The following TTC17 variants were observed in gnomAD, a reference collection of about 807,000 sequenced individuals.
TTC17 encodes tetratricopeptide repeat protein 17.
A neutral mutation model predicts 143.8 loss-of-function variants in TTC17; 58 were observed. That is an observed-to-expected ratio of 0.40 (90% CI 0.33 to 0.50). TTC17 has a LOEUF of 0.50. Ranked by LOEUF, TTC17 falls within the 20% of genes least tolerant of loss-of-function variation. The pLI is 0.49. For synonymous variants in TTC17, 501 were observed against 497.8 expected, an observed-to-expected ratio of 1.01 and a Z score of -0.09; for missense variants, 1,273 against 1,392.5, an observed-to-expected ratio of 0.91 and a Z score of 1.37.
rs1447096878 is a variant in TTC17, at chr11:43,448,044, A to G, written c.2708A>G (p.Asp903Gly). ...DYQRLGWPSP[D>G]ECLKLRWVEL... The stretch of plus-strand genomic sequence containing the variant: ...CAGCGTCTGGGATGGCCCAGCCCGG[A>G]CGAATGCCTCAAACTCCGCTGGGTA... The change falls in exon 19 of 24, where the codon GAC becomes GGC. Residue 903 changes from aspartate (D) to glycine (G), a missense_variant. Physicochemically the swap from Asp to Gly is moderately conservative, Grantham distance 94. Coordinates refer to ENST00000039989, the MANE Select transcript of TTC17 (RefSeq NM_018259.6). 6.2e-7 allele frequency: 1 copy of G among 1,614,124 alleles called. No individual in the cohort carries two copies. The highest frequency in any genetic ancestry group is 8.5e-7 in the Non-Finnish European group (1 of 1,179,982).
intron 21 of TTC17, among the ~76,000 whole-genome samples, chr11:43,462,880 A>C (rs1268516723): frequency 6.6e-6 from 1 of 151,318 alleles, no homozygotes; most frequent in Non-Finnish European, 1.5e-5. Flanking sequence ...AACTGAACCT[A>C]GCTGCCATAT....
chr11:43,388,931 G>A (rs528573890), intron 2 of TTC17, among the ~76,000 whole-genome samples: 4 of 150,356 alleles, frequency 2.7e-5, no homozygotes, highest in South Asian at 2.1e-4. Flanking sequence ...AGCTGTGATC[G>A]CACTACTGCA....
intron 21 of TTC17, among the ~76,000 whole-genome samples, chr11:43,466,125 T>C (rs1382420871): frequency 2.0e-5 from 3 of 152,174 alleles, no homozygotes; most frequent in African/African-American, 4.8e-5. Flanking sequence ...AGGACTTGAA[T>C]GGTCATTTCT....
chr11:43,444,722 T>TACACACACACACAC (rs10638143), intron 18 of TTC17, among the ~76,000 whole-genome samples: 11 of 143,554 alleles, frequency 7.7e-5, no homozygotes, highest in Non-Finnish European at 1.7e-4. Context: ...ACCAAATACA[T>TACACACACACACAC]ACACACACAC....
chr11:43,363,011 G>A (rs1245912888), intron 1 of TTC17, among the ~76,000 whole-genome samples: 3 of 152,120 alleles, frequency 2.0e-5, no homozygotes, highest in African/African-American at 7.2e-5. Flanking sequence ...TACCTCTGAT[G>A]CCCTAGTGTC....
At chr11:43,480,867 A>AC (rs1389446522) in intron 21 of TTC17, among the ~76,000 whole-genome samples, 2 of 151,654 alleles carry the variant, frequency 1.3e-5, no homozygotes, top group African/African-American at 4.8e-5. Context: ...TGAGCCAAAA[A>AC]AAATCAATAC....
chr11:43,364,651 T>G (rs558464938), intron 1 of TTC17, among the ~76,000 whole-genome samples: 31 of 152,322 alleles, frequency 2.0e-4, no homozygotes, highest in African/African-American at 7.5e-4. Flanking sequence ...TTCAGTCCAT[T>G]TTTTCAGATA....
At position 43,358,945 on chromosome 11, in the gene TTC17, G is replaced by T. The variant is rs370558962; in HGVS notation, c.-10G>T. 19 of 1,569,436 alleles carry T rather than the reference G, an allele frequency of 1.2e-5. No homozygotes were observed. The East Asian group carries it at 4.7e-4, about 39-fold the overall frequency. On this transcript the variant is annotated 5_prime_UTR_variant, in exon 1 of 24. Transcript: ENST00000039989. ...GCTTCCGGTGTGAGCGGCCCGGCCGGGGGGGCAAGATGGCGGCGGCAGTAG... is the reference window on the plus strand; with the variant it reads ...GCTTCCGGTGTGAGCGGCCCGGCCGTGGGGGCAAGATGGCGGCGGCAGTAG...
At chr11:43,412,952 A>G (rs534283316) in intron 15 of TTC17, among the ~76,000 whole-genome samples, 2 of 150,190 alleles carry the variant, frequency 1.3e-5, no homozygotes, top group South Asian at 4.2e-4. Context: ...AGTTGATTCT[A>G]ATATCTACAT....
chr11:43,425,041 G>A (rs563776955), intron 16 of TTC17, among the ~76,000 whole-genome samples: 10 of 152,298 alleles, frequency 6.6e-5, no homozygotes, highest in African/African-American at 2.2e-4. Context: ...TTCATTGCAT[G>A]TTGTCTAAAT....
intron 2 of TTC17, among the ~76,000 whole-genome samples, 184 bp from the exon 3 acceptor site, chr11:43,389,468 T>C (rs1441769695): frequency 6.6e-6 from 1 of 152,238 alleles, no homozygotes; most frequent in Non-Finnish European, 1.5e-5. Context: ...TTACTTTCTG[T>C]ATGTGGACAT....
At chr11:43,475,753 T>G in intron 21 of TTC17, among the ~76,000 whole-genome samples, 1 of 152,246 alleles carries the variant, frequency 6.6e-6, no homozygotes, top group Non-Finnish European at 1.5e-5. Context: ...TTTGGGATTT[T>G]GGAGCATATC....
At chr11:43,369,850 C>G (rs1856494918) in intron 1 of TTC17, among the ~76,000 whole-genome samples, 1 of 152,084 alleles carries the variant, frequency 6.6e-6, no homozygotes, top group African/African-American at 2.4e-5. Flanking sequence ...CTCCTGACCT[C>G]AGGAGTTCTC....
chr11:43,444,230 T>A (rs1304352168), intron 18 of TTC17, 21 bp downstream of exon 18: 6 of 1,585,154 alleles, frequency 3.8e-6, no homozygotes, highest in Non-Finnish European at 5.1e-6. Context: ...ATGTTTAATA[T>A]GCCAGTTTCT....
At chr11:43,454,378 C>G (rs10501300) in intron 21 of TTC17, among the ~76,000 whole-genome samples, 25,977 of 151,660 alleles carry the variant, frequency 0.17, 2,923 homozygotes, top group Non-Finnish European at 0.24. Flanking sequence ...TCCTAAATAC[C>G]AAAAGATAAC....
intron 15 of TTC17, among the ~76,000 whole-genome samples, chr11:43,408,473 G>C (rs1375271071): frequency 6.6e-6 from 1 of 152,138 alleles, no homozygotes; most frequent in Non-Finnish European, 1.5e-5. Context: ...TGTGTACCAG[G>C]TGCTGGTACA....
rs1481808183 is a variant in TTC17, at chr11:43,405,568, A to G, written c.1534A>G (p.Arg512Gly). 4 of 1,614,018 alleles carry G rather than the reference A, an allele frequency of 2.5e-6. No homozygotes were observed. The highest frequency in any genetic ancestry group is 1.3e-5 in the African/African-American group (1 of 75,056). Residue 512 changes from arginine to glycine, a missense_variant, in exon 12 of 24, where the codon AGA becomes GGA. Physicochemically the swap from Arg to Gly is moderately radical, Grantham distance 125. This residue lies in a region of TTC17 where 878 missense variants were observed against 899.8 expected (regional missense o/e 0.98). Coordinates refer to ENST00000039989, the MANE Select transcript of TTC17 (RefSeq NM_018259.6). ...AGCAGATTGTACAGAAAGCTACCCT[A>G]GAGTCCCTGTTGGTGGGGAATTGCC... is the stretch of plus-strand genomic sequence containing the variant. The part of the protein sequence containing the change: ...KRADCTESYP[R>G]VPVGGELPTY...
At chr11:43,399,480 G>T (rs772748309) in intron 8 of TTC17, among the ~76,000 whole-genome samples, 1 of 152,058 alleles carries the variant, frequency 6.6e-6, no homozygotes, top group Non-Finnish European at 1.5e-5. Context: ...TTCAAATCTA[G>T]CCTGGGCAAC....
intron 16 of TTC17, among the ~76,000 whole-genome samples, chr11:43,420,415 A>G (rs1247096633): frequency 6.6e-6 from 1 of 152,206 alleles, no homozygotes; most frequent in African/African-American, 2.4e-5. Flanking sequence ...TAAAACATGG[A>G]TGTAAACTGG....
Sources: allele counts gnomAD v4.1 joint callset (sites outside exome capture counted in the v4.1 genomes callset), GRCh38; gene constraint gnomAD v4.1.1; regional missense constraint gnomAD v4.1.1; transcripts MANE v1.5; gene names NCBI Gene and HGNC (gene_info 2026-07-23, HGNC 2026-07-21).